The following UBN1 variants were observed in gnomAD, a reference collection of about 807,000 sequenced individuals.
UBN1 encodes the protein ubinuclein-1.
Under a neutral mutation model 108.5 loss-of-function variants are expected in UBN1, and 17 were observed. The observed-to-expected ratio is 0.16, with a 90% CI of 0.11 to 0.24. UBN1 has a LOEUF of 0.24. Ranked by LOEUF, UBN1 falls within the 10% of genes least tolerant of loss-of-function variation. The pLI, the probability that UBN1 is intolerant of heterozygous loss-of-function variation, is 1.00. For synonymous variants in UBN1, 726 were observed against 564.2 expected, an observed-to-expected ratio of 1.29 and a Z score of -4.07; for missense variants, 1,595 against 1,394.4, an observed-to-expected ratio of 1.14 and a Z score of -2.29.
At chr16:4,864,277 C>T (rs2142197047) in intron 7 of UBN1, among the ~76,000 whole-genome samples, 2 of 152,028 alleles carry the variant, frequency 1.3e-5, no homozygotes, top group South Asian at 4.2e-4. Flanking sequence ...TATTCTGCCA[C>T]AGTACATAGC....
In UBN1 at chr16:4,876,891, G is replaced by A; in HGVS notation, c.3045G>A (p.Val1015=). The A allele has an allele frequency of 1.2e-6, 2 of 1,610,192 alleles. No individual in the cohort carries two copies. Among genetic ancestry groups the A allele is most frequent in the Non-Finnish European group, 1.7e-6 (2 of 1,177,824 alleles). The change falls in exon 16 of 18, where the codon GTG becomes GTA. Residue 1015 remains valine (V), a synonymous_variant. Coordinates refer to ENST00000262376, the MANE Select transcript of UBN1 (RefSeq NM_001079514.3). ...TSLSKGASGT[V]LLAGSSLMAS... Reference sequence around the variant, plus strand: ...CCTAGAAAGGAGCGAGTGGGACTGTGCTGCTGGCCGGCTCCTCTTTGATGG... The same window carrying A: ...CCTAGAAAGGAGCGAGTGGGACTGTACTGCTGGCCGGCTCCTCTTTGATGG...
chr16:4,858,809 C>A, intron 4 of UBN1, 146 bp downstream of exon 4: 1 of 957,682 alleles, frequency 1.0e-6, no homozygotes, highest in South Asian at 1.6e-5. Context: ...GACGAAATGA[C>A]ATTCTTTATC....
At chr16:4,871,092 G>T (rs2087609856) in intron 11 of UBN1, 63 bp from the exon 12 acceptor site, 4 of 1,608,000 alleles carry the variant, frequency 2.5e-6, no homozygotes, top group Non-Finnish European at 3.4e-6. Context: ...GAAAGCACAT[G>T]ATTGGAACCT....
At chr16:4,870,486 C>G (rs1340463087) in intron 9 of UBN1, 30 bp from the exon 10 acceptor site, 4 of 1,613,856 alleles carry the variant, frequency 2.5e-6, no homozygotes, top group Non-Finnish European at 3.4e-6. Flanking sequence ...ATGTGTAAAC[C>G]TGCCTTGAAT....
Position 4,847,596 on chromosome 16 carries a change from C to G in UBN1, c.-654C>G. ...GAGGGAGCCGGCCTCGCGGCTCGCC[C>G]CGCCCCCGGGTCTTGGACTCCGCGC... On this transcript the variant is annotated 5_prime_UTR_variant, in exon 1 of 18. Coordinates refer to ENST00000262376, the MANE Select transcript of UBN1 (RefSeq NM_001079514.3). 2.9e-6 allele frequency: 1 copy of G among 348,518 alleles called. No homozygotes were observed. Among genetic ancestry groups the G allele is most frequent in the Non-Finnish European group, 5.2e-6 (1 of 191,302 alleles). The allele number at this position is 348,518 out of a possible 1,614,324, so 21.6% of individuals were successfully genotyped here.
Position 4,853,013 on chromosome 16 carries a change from A to G in UBN1, c.96A>G (p.Gly32=), listed in dbSNP as rs765695866. ...CCCGGAAGGAGGAGGCTGGGGCAGG[A>G]GAACAGCATCAGGACTGTGAGCCGG... The part of the protein sequence containing the change: ...KKSRKEEAGA[G]EQHQDCEPAA... The change falls in exon 2 of 18, where the codon GGA becomes GGG. Residue 32 remains glycine, a synonymous_variant. Coordinates refer to ENST00000262376, the MANE Select transcript of UBN1 (RefSeq NM_001079514.3). 1 of 1,614,250 alleles carries G rather than the reference A, an allele frequency of 6.2e-7. No individual in the cohort carries two copies. Among genetic ancestry groups the G allele is most frequent in the Non-Finnish European group, 8.5e-7 (1 of 1,180,046 alleles).
chr16:4,851,805 C>T (rs2086570270), intron 1 of UBN1, among the ~76,000 whole-genome samples: 1 of 151,872 alleles, frequency 6.6e-6, no homozygotes, highest in Non-Finnish European at 1.5e-5. Flanking sequence ...CTGGATATAA[C>T]AGCGAGACCC....
At chr16:4,857,225 C>T (rs978467418) in intron 2 of UBN1, among the ~76,000 whole-genome samples, 2 of 151,786 alleles carry the variant, frequency 1.3e-5, no homozygotes, top group South Asian at 4.2e-4. Context: ...TGTTGTATGC[C>T]TATAGTCCCA....
Position 4,847,506 on chromosome 16 carries a change from G to C in UBN1, c.-744G>C, listed in dbSNP as rs2086251352. 3 of 536,134 alleles carry C rather than the reference G, an allele frequency of 5.6e-6. No homozygotes were observed. The highest frequency in any genetic ancestry group is 2.5e-5 in the South Asian group (1 of 39,894). The allele number at this position is 536,134 out of a possible 1,614,324, so 33.2% of individuals were successfully genotyped here. A position where few individuals can be genotyped will look rare whatever the true frequency, so the allele number is the denominator to read the frequency against. ...GGCTCCTTCCCCCTCCCTTCGGCTC[G>C]TGACAACGAAGCGCCCGCGGTCTGA... On this transcript the variant is annotated 5_prime_UTR_variant, in exon 1 of 18. Transcript: ENST00000262376.
chr16:4,870,814 G>C (rs1188941402), intron 10 of UBN1, 30 bp from the exon 11 acceptor site: 1 of 1,612,494 alleles, frequency 6.2e-7, no homozygotes, highest in Non-Finnish European at 8.5e-7. Context: ...GAGCACCTTG[G>C]GGCCCCATGT....
chr16:4,873,164 G>C, intron 14 of UBN1, 91 bp downstream of exon 14: 1 of 1,566,532 alleles, frequency 6.4e-7, no homozygotes, highest in South Asian at 1.1e-5. Context: ...GAAGCTCATT[G>C]ATCTTTGCTC....
intron 2 of UBN1, 108 bp from the exon 3 acceptor site, chr16:4,857,882 C>T (rs2086885902): frequency 1.2e-6 from 1 of 802,512 alleles, no homozygotes; most frequent in African/African-American, 1.7e-5. Flanking sequence ...TTGCCCTTTT[C>T]TGGAAAACAT....
At chr16:4,863,143 A>G (rs1567915656) in intron 7 of UBN1, among the ~76,000 whole-genome samples, 1 of 152,180 alleles carries the variant, frequency 6.6e-6, no homozygotes, top group Non-Finnish European at 1.5e-5. Context: ...GCCTCTGTGT[A>G]TATGTTTTTA....
intron 1 of UBN1, 151 bp from the exon 2 acceptor site, chr16:4,852,728 A>G (rs1206189710): frequency 2.4e-6 from 2 of 818,872 alleles, no homozygotes; most frequent in African/African-American, 3.5e-5. Flanking sequence ...AAATTTTAGG[A>G]TGAATAAGCA....
Position 4,880,164 on chromosome 16 carries a change from C to T in UBN1, c.*32C>T, listed in dbSNP as rs1321980055. ...CAGAGGCAAGGCTTGCCACTTGGGT[C>T]TGGGTGGAATCAGAACGTGCAGGTC... is the stretch of plus-strand genomic sequence containing the variant. On this transcript the variant is annotated 3_prime_UTR_variant, in exon 18 of 18. Transcript: ENST00000262376. 2 of 1,612,606 alleles carry T rather than the reference C, an allele frequency of 1.2e-6. No homozygotes were observed. Among genetic ancestry groups the T allele is most frequent in the African/African-American group, 2.7e-5 (2 of 74,864 alleles).
rs1161690396 is a variant in UBN1, at chr16:4,877,640, C to G, written c.3355+166C>G. The G allele has an allele frequency of 7.5e-7, 1 of 1,339,028 alleles. No homozygotes were observed. 82.9% of individuals were successfully genotyped at this position (1,339,028 alleles called of 1,614,324 possible). On this transcript the variant is annotated intron_variant, in intron 17 of 17. Coordinates refer to ENST00000262376, the MANE Select transcript of UBN1 (RefSeq NM_001079514.3). The surrounding 1 kb of genome is among the most constrained non-coding windows in gnomAD (Gnocchi z 4.3). ...TTGTCAGTACTCAGGGTGACACGCA[C>G]TTCTACTCTTGGGGTTTCCTCTGGT... is the stretch of plus-strand genomic sequence containing the variant.
chr16:4,859,337 C>T (rs963865601), intron 5 of UBN1, among the ~76,000 whole-genome samples, 178 bp downstream of exon 5: 2 of 152,198 alleles, frequency 1.3e-5, no homozygotes, highest in Non-Finnish European at 1.5e-5. Context: ...GGACACGTGC[C>T]CGTGGGGGCT....
rs1486955218 is a variant in UBN1 at position 4,875,124 on chromosome 16, C to T, written c.2714C>T (p.Ala905Val). ...TCATCTTACAAGAATAATCCCTTTG[C>T]CAGCTCAATCTCCAAACATGGGGTT... ...AGSSYKNNPFASSISKHGVSS... is the reference protein window; with the variant it reads ...AGSSYKNNPFVSSISKHGVSS... The change falls in exon 15 of 18, where the codon GCC (alanine) becomes GTC (valine). Residue 905 changes from alanine to valine, a missense_variant. This residue lies in a region of UBN1 where 1,398 missense variants were observed against 1,194.7 expected (regional missense o/e 1.17). Transcript: ENST00000262376. 1.2e-6 allele frequency: 2 copies of T among 1,614,206 alleles called. No individual in the cohort carries two copies. Among genetic ancestry groups the T allele is most frequent in the East Asian group, 2.2e-5 (1 of 44,882 alleles).
At position 4,861,082 on chromosome 16, in the gene UBN1, C is replaced by T. The variant is rs778784189; in HGVS notation, c.1090C>T (p.Arg364Cys). Residue 364 changes from arginine to cysteine, a missense_variant, in exon 7 of 18, where the codon CGC (arginine) becomes TGC (cysteine). Transcript: ENST00000262376. ...PEGLPAPLEK[R>C]VKELAQAARA... is the part of the protein sequence containing the mutation. ...AGGCCTGCCAGCACCCCTGGAGAAGCGCGTTAAGGAGCTGGCTCAGGTATG... is the reference window on the plus strand; with the variant it reads ...AGGCCTGCCAGCACCCCTGGAGAAGTGCGTTAAGGAGCTGGCTCAGGTATG... 9.9e-6 allele frequency: 16 copies of T among 1,613,138 alleles called. No individual in the cohort carries two copies. The highest frequency in any genetic ancestry group is 4.5e-5 in the East Asian group (2 of 44,886).
Sources: gnomAD v4.1 joint callset for allele counts (sites outside exome capture counted in the v4.1 genomes callset) on GRCh38, gnomAD v4.1.1 for gene constraint, gnomAD v4.1.1 regional missense constraint, Gnocchi (gnomAD v3.1) non-coding constraint, MANE v1.5 for transcripts, NCBI Gene and HGNC (gene_info 2026-07-23, HGNC 2026-07-21) for gene names.